TXLNB: variants seen among roughly 807,000 people sequenced by gnomAD.
TXLNB encodes the protein beta-taxilin.
In TXLNB, 37 loss-of-function variants were observed where a neutral mutation model predicts 57.4. The ratio of observed to expected loss-of-function variants is 0.64; its 90% CI spans 0.50 to 0.85. The LOEUF (loss-of-function observed/expected upper bound fraction) is 0.85, where lower values mean the gene tolerates loss of function less well. TXLNB is among the 40% of genes least tolerant of loss of function. The pLI is 0.00. For missense variants in TXLNB, 848 were observed against 825.6 expected (o/e 1.03, Z -0.33); for synonymous variants, 302 against 309.6 (o/e 0.98, Z 0.26).
the TXLNB span, among the ~76,000 whole-genome samples, chr6:139,301,216 C>T: frequency 8.5e-5 from 13 of 152,190 alleles, no homozygotes; most frequent in African/African-American, 3.1e-4. Context: ...GTGGAAAGGA[C>T]AAACTCCTAG....
upstream of TXLNB, among the ~76,000 whole-genome samples, chr6:139,293,565 G>A (rs569016626): frequency 6.6e-4 from 100 of 152,178 alleles, no homozygotes; most frequent in Non-Finnish European, 1.1e-3. Context: ...TTAGATCAAA[G>A]AAATTCGTTT....
At chr6:139,246,033 T>C (rs1438599598) in intron 8 of TXLNB, among the ~76,000 whole-genome samples, 1 of 152,204 alleles carries the variant, frequency 6.6e-6, no homozygotes, top group Non-Finnish European at 1.5e-5. Context: ...TTTTTAAGAA[T>C]GTGGTGAAAG....
Position 139,243,027 on chromosome 6 carries a change from G to A in TXLNB, c.1554C>T (p.His518=). The change falls in exon 10 of 10, where the codon CAC becomes CAT. Residue 518 remains histidine, a synonymous_variant. Transcript: ENST00000358430. The stretch of plus-strand genomic sequence containing the variant: ...TTTCGGGTTGGGTTTCTTTGGACTG[G>A]TGCGGGGTTGACTCTGGATGATGAA... ...MIIHHPESTP[H]QSKETQPEIG... The A allele has an allele frequency of 1.9e-6, 3 of 1,614,134 alleles. No homozygotes were observed. The highest frequency in any genetic ancestry group is 1.3e-5 in the African/African-American group (1 of 75,024).
chr6:139,292,086 GCA>G (rs760910211), upstream of TXLNB: 689 of 144,288 alleles, frequency 4.8e-3, 3 homozygotes, highest in East Asian at 0.011. The surrounding 1 kb of genome is among the most constrained non-coding windows in gnomAD (Gnocchi z 4.0). Flanking sequence ...GCACGCGCGC[GCA>G]CACACACACA....
At chr6:139,190,866 C>CAGG in the TXLNB span, among the ~76,000 whole-genome samples, 1 of 152,112 alleles carries the variant, frequency 6.6e-6, no homozygotes, top group African/African-American at 2.4e-5. Context: ...TATGAATTTG[C>CAGG]AGGAGGAGGC....
chr6:139,273,445 A>C (rs1776817984), intron 3 of TXLNB, among the ~76,000 whole-genome samples: 1 of 152,212 alleles, frequency 6.6e-6, no homozygotes, highest in Admixed American at 6.5e-5. Context: ...TTTTCCATTT[A>C]ATGTTTTATT....
chr6:139,258,340 T>C (rs1488840377), intron 6 of TXLNB, among the ~76,000 whole-genome samples: 1 of 152,212 alleles, frequency 6.6e-6, no homozygotes, highest in Non-Finnish European at 1.5e-5. Context: ...TCTCGTGTTA[T>C]ACAGCAAAGT....
chr6:139,207,804 G>A, the TXLNB span, among the ~76,000 whole-genome samples: 256 of 152,250 alleles, frequency 1.7e-3, 8 homozygotes, highest in Admixed American at 0.016. Context: ...GGCCAGGCGC[G>A]GTGGCTCACG....
At chr6:139,206,576 G>A in the TXLNB span, among the ~76,000 whole-genome samples, 8 of 152,084 alleles carry the variant, frequency 5.3e-5, no homozygotes, top group East Asian at 1.4e-3. Context: ...GCTGAGGCAG[G>A]AGAATCGCTT....
chr6:139,274,498 G>A (rs775799408), intron 3 of TXLNB, among the ~76,000 whole-genome samples: 4 of 152,112 alleles, frequency 2.6e-5, no homozygotes, highest in Admixed American at 6.6e-5. Flanking sequence ...TCTCAGGTTC[G>A]AAAGTTTTTT....
At chr6:139,269,521 G>C (rs1032648633) in intron 4 of TXLNB, among the ~76,000 whole-genome samples, 1 of 152,108 alleles carries the variant, frequency 6.6e-6, no homozygotes, top group Non-Finnish European at 1.5e-5. Context: ...TCATCACACT[G>C]GTTCTCCATT....
the TXLNB span, chr6:139,170,194 C>T: frequency 6.6e-6 from 1 of 152,164 alleles, no homozygotes; most frequent in Non-Finnish European, 1.5e-5. Context: ...AATATGGGTA[C>T]AGCAGATATG....
chr6:139,270,605 G>GC lies in TXLNB; in HGVS notation c.537dup (p.Gln180AlafsTer24), dbSNP rs750698188. On this transcript the variant is annotated frameshift_variant, in exon 4 of 10. Coordinates refer to ENST00000358430, the MANE Select transcript of TXLNB (RefSeq NM_153235.4). LOFTEE classifies it high-confidence loss of function. Reference sequence around the variant, plus strand: ...TTTTGGAGGAGCTTTAACTTCTTTTGCTCAGTACGATGTTCATCCAGCTGT... The same window carrying GC: ...TTTTGGAGGAGCTTTAACTTCTTTTGCCTCAGTACGATGTTCATCCAGCTGT... 20 of 1,613,872 alleles carry GC rather than the reference G, an allele frequency of 1.2e-5. No individual in the cohort carries two copies. The African/African-American group carries it at 2.7e-4, about 22-fold the overall frequency.
chr6:139,266,937 T>C (rs1462994150), intron 4 of TXLNB, among the ~76,000 whole-genome samples: 1 of 142,694 alleles, frequency 7.0e-6, no homozygotes, highest in Non-Finnish European at 1.5e-5. Flanking sequence ...AAAGCCAGTA[T>C]AGTGGCACAT....
the TXLNB span, among the ~76,000 whole-genome samples, chr6:139,307,302 G>A: frequency 1.3e-5 from 2 of 152,146 alleles, no homozygotes; most frequent in Non-Finnish European, 2.9e-5. Context: ...CAATCCCCCT[G>A]CCTCAGCCTC....
chr6:139,160,098 GC>G, the TXLNB span, among the ~76,000 whole-genome samples: 5 of 152,274 alleles, frequency 3.3e-5, no homozygotes, highest in South Asian at 1.0e-3. Context: ...GGTGACTGCA[GC>G]CTAGCTACCC....
the TXLNB span, chr6:139,182,892 G>A: frequency 3.9e-5 from 6 of 152,214 alleles, no homozygotes; most frequent in Admixed American, 1.3e-4. Flanking sequence ...TGTTCAAATG[G>A]AATTGGCTAC....
At chr6:139,218,302 T>C in the TXLNB span, among the ~76,000 whole-genome samples, 1 of 152,196 alleles carries the variant, frequency 6.6e-6, no homozygotes, top group South Asian at 2.1e-4. Context: ...ATATACTTTA[T>C]TAATAATTGT....
the TXLNB span, among the ~76,000 whole-genome samples, chr6:139,210,072 A>T: frequency 2.0e-5 from 3 of 152,228 alleles, no homozygotes; most frequent in African/African-American, 7.2e-5. Context: ...AATTGTCAAA[A>T]GAAGATACAC....
Sources: gnomAD v4.1 joint callset for allele counts (sites outside exome capture counted in the v4.1 genomes callset) on GRCh38, gnomAD v4.1.1 for gene constraint, Gnocchi (gnomAD v3.1) non-coding constraint, MANE v1.5 for transcripts, NCBI Gene and HGNC (gene_info 2026-07-23, HGNC 2026-07-21) for gene names.